Variants in PCDH15 observed in about 807,000 individuals in gnomAD.
PCDH15 encodes protocadherin-15.
A neutral mutation model predicts 178.5 loss-of-function variants in PCDH15; 129 were observed. That is an observed-to-expected ratio of 0.72 (90% confidence interval 0.63 to 0.84). PCDH15 has a LOEUF of 0.84. PCDH15 is among the 40% of genes least tolerant of loss of function. The pLI, the probability that PCDH15 is intolerant of heterozygous loss-of-function variation, is 0.00. For missense variants in PCDH15, 2,230 were observed against 2,099.9 expected, an observed-to-expected ratio of 1.06 and a Z score of -1.21; for synonymous variants, 800 against 732.0, an observed-to-expected ratio of 1.09 and a Z score of -1.50.
At chr10:54,142,840 C>G (rs918815262) in intron 14 of PCDH15, among the ~76,000 whole-genome samples, 1 of 152,026 alleles carries the variant, frequency 6.6e-6, no homozygotes, top group East Asian at 1.9e-4. Flanking sequence ...AATAAGTTGG[C>G]CTCATGCTAT....
At chr10:54,927,693 C>CT (rs1199504566) in intron 2 of PCDH15, among the ~76,000 whole-genome samples, 1 of 152,018 alleles carries the variant, frequency 6.6e-6, no homozygotes, top group Non-Finnish European at 1.5e-5. Context: ...AAGTAATGCC[C>CT]TTTTTTGTCT....
chr10:54,231,659 G>T (rs902079236), intron 9 of PCDH15, among the ~76,000 whole-genome samples: 8 of 152,208 alleles, frequency 5.3e-5, no homozygotes, highest in Non-Finnish European at 1.2e-4. Context: ...AGCCAATGGG[G>T]CTGTACTGTG....
chr10:54,104,798 C>T (rs181458287), intron 15 of PCDH15, among the ~76,000 whole-genome samples: 154 of 141,380 alleles, frequency 1.1e-3, no homozygotes, highest in South Asian at 9.1e-3. Context: ...GATCGCGCCA[C>T]TGCACTCCAG....
intron 2 of PCDH15, among the ~76,000 whole-genome samples, chr10:55,156,873 G>C (rs576452737): frequency 5.0e-4 from 76 of 152,188 alleles, no homozygotes; most frequent in African/African-American, 1.7e-3. Context: ...ATTTGAAAGT[G>C]GAATAGGATA....
At chr10:54,023,741 A>G (rs901275520) in intron 18 of PCDH15, among the ~76,000 whole-genome samples, 1 of 151,424 alleles carries the variant, frequency 6.6e-6, no homozygotes, top group Non-Finnish European at 1.5e-5. Flanking sequence ...AATAATATTT[A>G]TAAGTATAAC....
chr10:54,768,352 C>A (rs566576584), intron 1 of PCDH15, among the ~76,000 whole-genome samples: 1 of 152,178 alleles, frequency 6.6e-6, no homozygotes, highest in African/African-American at 2.4e-5. Context: ...TTCTGAGGCC[C>A]CACTGAGCTC....
intron 1 of PCDH15, among the ~76,000 whole-genome samples, chr10:54,744,321 G>A (rs892344006): frequency 1.3e-5 from 2 of 152,174 alleles, no homozygotes; most frequent in Admixed American, 6.5e-5. Flanking sequence ...ATGCAACTAA[G>A]CATTGTTTTA....
At chr10:54,458,586 T>C (rs1339791027) in intron 3 of PCDH15, among the ~76,000 whole-genome samples, 1 of 152,110 alleles carries the variant, frequency 6.6e-6, no homozygotes, top group African/African-American at 2.4e-5. Context: ...GCAGGGTGAA[T>C]CTTTCCTATG....
rs1361570089 is a variant in PCDH15 at position 54,132,942 on chromosome 10, G to A, written c.1850C>T (p.Pro617Leu). 2 of 1,613,902 alleles carry A rather than the reference G, an allele frequency of 1.2e-6. No individual in the cohort carries two copies. Among genetic ancestry groups the A allele is most frequent in the African/African-American group, 2.7e-5 (2 of 74,882 alleles). ...AATTTCAAGGCTATACATCAGCTGT[G>A]GGAAGCGAGGAGGGCTTTGATTATT... Reference protein sequence around the residue: ...PPNNQSPPRFPQLMYSLEISE... With the variant: ...PPNNQSPPRFLQLMYSLEISE... Residue 617 changes from proline (P) to leucine (L), a missense_variant, in exon 15 of 38, where the codon CCA becomes CTA. By Grantham distance (98) the Pro-to-Leu change is moderately conservative. Coordinates refer to ENST00000644397, the MANE Select transcript of PCDH15 (RefSeq NM_001384140.1).
intron 25 of PCDH15, among the ~76,000 whole-genome samples, chr10:53,931,304 G>T (rs1368972607): frequency 1.3e-5 from 2 of 152,212 alleles, no homozygotes; most frequent in African/African-American, 4.8e-5. Context: ...CTGGAGCTTA[G>T]TTAGCAGTCA....
intron 2 of PCDH15, among the ~76,000 whole-genome samples, chr10:54,900,181 A>C (rs1027957582): frequency 6.6e-6 from 1 of 152,234 alleles, no homozygotes; most frequent in East Asian, 1.9e-4. Flanking sequence ...GGAATATATC[A>C]GTAAACACAT....
intron 13 of PCDH15, among the ~76,000 whole-genome samples, chr10:54,166,986 A>G (rs542825043): frequency 6.6e-6 from 1 of 152,252 alleles, no homozygotes; most frequent in Admixed American, 6.5e-5. Context: ...TTACCTATCC[A>G]AATCCTATAA....
intron 1 of PCDH15, among the ~76,000 whole-genome samples, chr10:55,276,705 ATGAGT>A (rs1043783120): frequency 7.2e-5 from 11 of 151,776 alleles, no homozygotes; most frequent in African/African-American, 2.4e-4. Context: ...GCCCCATAAA[ATGAGT>A]TGAGGAAAAT....
intron 3 of PCDH15, among the ~76,000 whole-genome samples, chr10:54,421,685 TATATATATACACAC>T (rs1200859080): frequency 2.5e-4 from 31 of 122,454 alleles, no homozygotes; most frequent in Non-Finnish European, 4.7e-4. Context: ...TATATATATA[TATATATATACACAC>T]ACACACACAC....
chr10:55,356,516 A>T (rs1307636272), intron 2 of PCDH15, among the ~76,000 whole-genome samples: 1 of 151,800 alleles, frequency 6.6e-6, no homozygotes, highest in African/African-American at 2.4e-5. Flanking sequence ...CCTGAATCAG[A>T]GGGATGATAA....
intron 2 of PCDH15, among the ~76,000 whole-genome samples, chr10:54,966,292 T>G (rs1423227652): frequency 1.3e-5 from 2 of 152,034 alleles, no homozygotes; most frequent in African/African-American, 2.4e-5. Flanking sequence ...GTTTATTTAT[T>G]TTATTTTATT....
intron 8 of PCDH15, among the ~76,000 whole-genome samples, chr10:54,304,410 C>T (rs1397895600): frequency 6.6e-6 from 1 of 152,084 alleles, no homozygotes; most frequent in East Asian, 1.9e-4. Flanking sequence ...TTTCCTGAAA[C>T]CTGATATTGA....
intron 2 of PCDH15, among the ~76,000 whole-genome samples, chr10:55,566,058 TAG>T (rs1842295008): frequency 6.6e-6 from 1 of 151,650 alleles, no homozygotes; most frequent in African/African-American, 2.4e-5. Flanking sequence ...AAAAAATTTC[TAG>T]CAAAACAAGT....
chr10:54,940,783 C>T (rs1838041098), intron 2 of PCDH15, among the ~76,000 whole-genome samples: 1 of 144,386 alleles, frequency 6.9e-6, no homozygotes, highest in African/African-American at 2.5e-5. Context: ...AAGTTTTCAT[C>T]TTTATCTGCG....
Sources: gnomAD v4.1 joint callset for allele counts (sites outside exome capture counted in the v4.1 genomes callset) on GRCh38, gnomAD v4.1.1 for gene constraint, MANE v1.5 for transcripts, NCBI Gene and HGNC (gene_info 2026-07-23, HGNC 2026-07-21) for gene names.